The following POLA1 variants were observed in gnomAD, a reference collection of about 807,000 sequenced individuals.
The protein encoded by POLA1 is DNA polymerase alpha 1, catalytic subunit, also known as DNA polymerase alpha catalytic subunit.
Under a neutral mutation model 124.0 loss-of-function variants are expected in POLA1, and 15 were observed. The ratio of observed to expected loss-of-function variants is 0.12; its 90% CI spans 0.08 to 0.19. POLA1 has a LOEUF of 0.19. Among genes scored for constraint, POLA1 ranks in the 10% least tolerant of loss-of-function variants. The pLI is 1.00. For synonymous variants in POLA1, 408 were observed against 389.4 expected, an observed-to-expected ratio of 1.05 and a Z score of -0.56; for missense variants, 886 against 1,103.4, an observed-to-expected ratio of 0.80 and a Z score of 2.79.
At position 24,693,992 on chromosome X, in the gene POLA1, A is replaced by T. The variant is rs1330962847; in HGVS notation, c.31A>T (p.Ile11Leu). 1.7e-6 allele frequency: 2 copies of T among 1,189,436 alleles called. No homozygotes were observed. The highest frequency in any genetic ancestry group is 2.3e-5 in the Admixed American group (1 of 43,256). MAPVHGDDCE[I>L]GASALSDSGS... is the part of the protein sequence containing the mutation. ...ACCTGTGCACGGCGACGACTGTGAG[A>T]TAGGGGCGAGTGGTGAGGGACAATT... The change falls in exon 1 of 37, where the codon ATA (isoleucine) becomes TTA (leucine). Residue 11 changes from isoleucine to leucine, a missense_variant. By Grantham distance (5) the Ile-to-Leu change is conservative (BLOSUM62 2). Coordinates refer to ENST00000379068, the MANE Select transcript of POLA1 (RefSeq NM_001330360.2).
chrX:24,947,549 G>A (rs1168212250), intron 36 of POLA1, among the ~76,000 whole-genome samples: 1 of 110,875 alleles, frequency 9.0e-6, no homozygotes, highest in East Asian at 2.8e-4. Flanking sequence ...GGGATTACAG[G>A]CAGGAGCCAC....
rs139820873 is a variant in POLA1, at chrX:24,877,161, G to A, written c.4048-10845G>A. 2.7e-5 allele frequency among the ~76,000 whole-genome samples: 3 copies of A among 111,746 alleles called. No homozygotes were observed. In the East Asian group the frequency reaches 8.5e-4, roughly 32 times the overall value. The stretch of plus-strand genomic sequence containing the variant: ...TAGTTCTTGATCGGGTTTGGGGGAG[G>A]GGGTGAGTAAGTACATCTGATTACT... On this transcript the variant is annotated intron_variant, in intron 34 of 36. Transcript: ENST00000379068.
At chrX:24,699,741 T>C (rs749052857) in intron 2 of POLA1, among the ~76,000 whole-genome samples, 192 bp downstream of exon 2, 1 of 110,554 alleles carries the variant, frequency 9.0e-6, no homozygotes, top group South Asian at 3.9e-4. Flanking sequence ...GTTCGACCCT[T>C]AAAGTTCCTA....
intron 31 of POLA1, 51 bp from the exon 32 acceptor site, chrX:24,826,376 A>G (rs369362167): frequency 9.0e-6 from 9 of 995,425 alleles, no homozygotes; most frequent in Non-Finnish European, 1.2e-5. Flanking sequence ...GTTGCTCACA[A>G]CTTTACCTGT....
intron 32 of POLA1, among the ~76,000 whole-genome samples, chrX:24,836,675 G>A (rs1439130665): frequency 9.0e-6 from 1 of 111,590 alleles, no homozygotes; most frequent in Non-Finnish European, 1.9e-5. Flanking sequence ...TTTGTCTGTT[G>A]TCCTGTTGGC....
At chrX:24,882,723 G>C (rs2047018927) in intron 34 of POLA1, among the ~76,000 whole-genome samples, 1 of 105,936 alleles carries the variant, frequency 9.4e-6, no homozygotes, top group Admixed American at 1.0e-4. Context: ...GTGTGTGTGT[G>C]TGTGTATCAC....
chrX:24,899,021 T>C lies in POLA1; in HGVS notation c.4164+10899T>C, dbSNP rs1299425728. ...CAGAGGGCACCAATATGCCAACCTT[T>C]AATATTTAAATGTAATCATATCAAG... On this transcript the variant is annotated intron_variant, in intron 35 of 36. Coordinates refer to ENST00000379068, the MANE Select transcript of POLA1 (RefSeq NM_001330360.2). 3.6e-5 allele frequency among the ~76,000 whole-genome samples: 4 copies of C among 111,223 alleles called. No homozygotes were observed. The Admixed American group carries it at 3.8e-4, about 11-fold the overall frequency.
intron 34 of POLA1, among the ~76,000 whole-genome samples, chrX:24,866,961 G>C (rs1385890072): frequency 1.8e-5 from 2 of 111,606 alleles, no homozygotes; most frequent in Non-Finnish European, 3.8e-5. Flanking sequence ...TTCTTCATTT[G>C]AGGTAAAAAA....
chrX:24,859,195 A>T (rs1225730455), intron 34 of POLA1, among the ~76,000 whole-genome samples: 1 of 111,433 alleles, frequency 9.0e-6, no homozygotes, highest in Non-Finnish European at 1.9e-5. Flanking sequence ...CATTTCCAGG[A>T]TTATTTTTCC....
At chrX:24,818,255 C>T (rs760280434) in intron 30 of POLA1, among the ~76,000 whole-genome samples, 8 of 110,143 alleles carry the variant, frequency 7.3e-5, no homozygotes, top group Non-Finnish European at 1.1e-4. Context: ...CCCAAATAGC[C>T]TACATCTAAT....
chrX:24,930,151 T>C (rs991912508), intron 35 of POLA1, among the ~76,000 whole-genome samples: 2 of 112,482 alleles, frequency 1.8e-5, no homozygotes, highest in Non-Finnish European at 3.8e-5. Context: ...CAAATTGTCA[T>C]GAGTGCATAG....
chrX:24,741,233 T>A (rs1931638027), intron 20 of POLA1, 142 bp from the exon 21 acceptor site: 1 of 419,156 alleles, frequency 2.4e-6, no homozygotes, highest in Non-Finnish European at 4.1e-6. Flanking sequence ...TGACCTTATT[T>A]TAAATTGTTT....
At chrX:24,954,291 T>A (rs6629931) in intron 36 of POLA1, among the ~76,000 whole-genome samples, 4 of 112,554 alleles carry the variant, frequency 3.6e-5, no homozygotes, top group African/African-American at 9.7e-5. Flanking sequence ...TAGTATTTTT[T>A]AAAAAATATG....
intron 36 of POLA1, among the ~76,000 whole-genome samples, chrX:24,942,364 G>T (rs774407948): frequency 8.9e-6 from 1 of 111,780 alleles, no homozygotes; most frequent in East Asian, 2.8e-4. Flanking sequence ...GGAAACTTCA[G>T]CCTGAAGACA....
At chrX:24,901,578 G>A (rs2047278774) in intron 35 of POLA1, among the ~76,000 whole-genome samples, 1 of 111,604 alleles carries the variant, frequency 9.0e-6, no homozygotes, top group African/African-American at 3.3e-5. Flanking sequence ...ATTCCATGTG[G>A]AAGAGTGCAG....
chrX:24,808,152 C>T (rs144838501), intron 26 of POLA1, among the ~76,000 whole-genome samples: 1,173 of 111,693 alleles, frequency 0.011, 8 homozygotes, highest in Non-Finnish European at 0.015. Context: ...TCAGTGACAA[C>T]CTCATTGCTA....
intron 12 of POLA1, among the ~76,000 whole-genome samples, 198 bp downstream of exon 12, chrX:24,724,649 TATAAA>T (rs1287207543): frequency 8.9e-6 from 1 of 112,687 alleles, no homozygotes; most frequent in East Asian, 2.8e-4. Context: ...TTAAACTGCT[TATAAA>T]ATAATGTTTA....
chrX:24,811,642 G>GT (rs10582961), intron 28 of POLA1, among the ~76,000 whole-genome samples: 116 of 94,904 alleles, frequency 1.2e-3, no homozygotes, highest in Middle Eastern at 5.5e-3. Flanking sequence ...AAATTCAAAG[G>GT]TTTTTTTTTT....
chrX:24,952,822 G>A (rs2048063856), intron 36 of POLA1, among the ~76,000 whole-genome samples: 1 of 112,083 alleles, frequency 8.9e-6, no homozygotes, highest in South Asian at 3.7e-4. Flanking sequence ...AAAAATTCTA[G>A]AAATCATACC....
Sources: gnomAD v4.1 joint callset for allele counts (sites outside exome capture counted in the v4.1 genomes callset) on GRCh38, gnomAD v4.1.1 for gene constraint, MANE v1.5 for transcripts, NCBI Gene and HGNC (gene_info 2026-07-23, HGNC 2026-07-21) for gene names.